AGAP2: variants seen among roughly 807,000 people sequenced by gnomAD.
AGAP2 encodes the protein ArfGAP with GTPase domain, ankyrin repeat and PH domain 2.
AGAP2 carries 32 observed loss-of-function variants against 110.9 expected under a neutral mutation model. That is an observed-to-expected ratio of 0.29 (90% confidence interval 0.22 to 0.39). AGAP2 has a LOEUF of 0.39. Among genes scored for constraint, AGAP2 ranks in the 10% least tolerant of loss-of-function variants. The pLI is 1.00. For synonymous variants in AGAP2, 702 were observed against 713.0 expected, an observed-to-expected ratio of 0.98 and a Z score of 0.25; for missense variants, 1,285 against 1,638.5, an observed-to-expected ratio of 0.78 and a Z score of 3.72.
intron 3 of AGAP2, 56 bp from the exon 4 acceptor site, chr12:57,734,460 C>G (rs1954942944): frequency 6.3e-7 from 1 of 1,596,648 alleles, no homozygotes; most frequent in Admixed American, 1.7e-5. Context: ...CACCAAACCT[C>G]CCCATGCTCC....
In AGAP2 at chr12:57,737,992, G is replaced by A; in HGVS notation, c.255C>T (p.Thr85=). 1.4e-6 allele frequency: 2 copies of A among 1,457,350 alleles called. No individual in the cohort carries two copies. Among genetic ancestry groups the A allele is most frequent in the East Asian group, 2.8e-5 (1 of 35,670 alleles). The allele number at this position is 1,457,350 out of a possible 1,614,324, so 90.3% of individuals were successfully genotyped here. The change falls in exon 1 of 19, where the codon ACC becomes ACT. Residue 85 remains threonine, a synonymous_variant. Coordinates refer to ENST00000547588, the MANE Select transcript of AGAP2 (RefSeq NM_001122772.3). The surrounding 1 kb of genome is among the most constrained non-coding windows in gnomAD (Gnocchi z 5.9). ...ALWISTSSAG[T]GGAEPPALSP... The stretch of plus-strand genomic sequence containing the variant: ...ACAGGGCTGGGGGCTCCGCGCCCCC[G>A]GTGCCCGCGCTGCTCGTGCTGATCC...
chr12:57,732,219 C>G (rs527299009), intron 7 of AGAP2, among the ~76,000 whole-genome samples, 184 bp downstream of exon 7: 4 of 152,302 alleles, frequency 2.6e-5, no homozygotes, highest in African/African-American at 9.6e-5. Context: ...CTTAAGGACA[C>G]TGCAAATGAT....
chr12:57,731,503 A>T, intron 9 of AGAP2, 33 bp from the exon 10 acceptor site: 1 of 1,613,964 alleles, frequency 6.2e-7, no homozygotes, highest in Non-Finnish European at 8.5e-7. Flanking sequence ...TGTGGGAAAA[A>T]AGCCAACTAA....
At position 57,731,976 on chromosome 12, in the gene AGAP2, A is replaced by G. The variant is rs1414184685; in HGVS notation, c.1795-9T>C. On this transcript the variant is annotated splice_polypyrimidine_tract_variant and intron_variant, in intron 7 of 18. Coordinates refer to ENST00000547588, the MANE Select transcript of AGAP2 (RefSeq NM_001122772.3). ...TGGCCCCCGTTACTAGCCTGGGCAC[A>G]TATGGAAGAGTCAGCAGAGCTGAGA... The G allele has an allele frequency of 6.2e-7, 1 of 1,613,130 alleles. No homozygotes were observed. The highest frequency in any genetic ancestry group is 8.5e-7 in the Non-Finnish European group (1 of 1,179,802).
chr12:57,734,130 T>C lies in AGAP2; in HGVS notation c.1445A>G (p.Glu482Gly). Residue 482 changes from glutamate to glycine, a missense_variant, in exon 5 of 19, where the codon GAG (glutamate) becomes GGG (glycine). Glu to Gly is a moderately conservative substitution (Grantham distance 98). This residue lies in a region of AGAP2 where 844 missense variants were observed against 941.2 expected (regional missense o/e 0.90). Coordinates refer to ENST00000547588, the MANE Select transcript of AGAP2 (RefSeq NM_001122772.3). The stretch of plus-strand genomic sequence containing the variant: ...CACAGCCTGGAAACTGTTCTCATCC[T>C]CCAGGCTGAAGACGAAGATCACAGC... ...ADAVIFVFSL[E>G]DENSFQAVSR... 5.6e-6 allele frequency: 9 copies of C among 1,613,306 alleles called. No individual in the cohort carries two copies. Among genetic ancestry groups the C allele is most frequent in the Non-Finnish European group, 7.6e-6 (9 of 1,179,548 alleles).
Position 57,737,990 on chromosome 12 carries a change from C to T in AGAP2, c.257G>A (p.Gly86Glu). 2 of 1,456,364 alleles carry T rather than the reference C, an allele frequency of 1.4e-6. No homozygotes were observed. Among genetic ancestry groups the T allele is most frequent in the Non-Finnish European group, 1.8e-6 (2 of 1,110,878 alleles). 90.2% of individuals were successfully genotyped at this position (1,456,364 alleles called of 1,614,324 possible). Reference protein sequence around the residue: ...LWISTSSAGTGGAEPPALSPA... With the variant: ...LWISTSSAGTEGAEPPALSPA... ...GGACAGGGCTGGGGGCTCCGCGCCC[C>T]CGGTGCCCGCGCTGCTCGTGCTGAT... The change falls in exon 1 of 19, where the codon GGG becomes GAG. Residue 86 changes from glycine to glutamate, a missense_variant. Gly to Glu is a moderately conservative substitution (Grantham distance 98). This residue lies in a region of AGAP2 where 844 missense variants were observed against 941.2 expected (regional missense o/e 0.90). Transcript: ENST00000547588. The surrounding 1 kb of genome is among the most constrained non-coding windows in gnomAD (Gnocchi z 5.9).
At chr12:57,731,687 C>T (rs1424448052) in intron 8 of AGAP2, 45 bp from the exon 9 acceptor site, 13 of 1,611,956 alleles carry the variant, frequency 8.1e-6, no homozygotes, top group Non-Finnish European at 8.5e-6. Context: ...TAGAGGGATA[C>T]ACTGATGTGA....
Position 57,731,645 on chromosome 12 carries a change from G to A in AGAP2, c.1954-3C>T. On this transcript the variant is annotated splice_region_variant and splice_polypyrimidine_tract_variant and intron_variant, in intron 8 of 18. Transcript: ENST00000547588. The stretch of plus-strand genomic sequence containing the variant: ...TCGGAGTCACTACCCCGACGATTCT[G>A]GAATGGTTATTGGAATCAGTTTGAG... 2 of 1,614,096 alleles carry A rather than the reference G, an allele frequency of 1.2e-6. No homozygotes were observed. Among genetic ancestry groups the A allele is most frequent in the Admixed American group, 1.7e-5 (1 of 60,020 alleles).
In AGAP2 at chr12:57,729,140, T is replaced by C. The variant is rs370976207; in HGVS notation, c.2557+499A>G. 6.7e-5 allele frequency among the ~76,000 whole-genome samples: 9 copies of C among 134,240 alleles called. No individual in the cohort carries two copies. The East Asian group carries it at 1.1e-3, about 16-fold the overall frequency. The allele number at this position is 134,240 out of a possible 152,430, so 88.1% of individuals were successfully genotyped here. On this transcript the variant is annotated intron_variant, in intron 13 of 18. Transcript: ENST00000547588. Reference sequence around the variant, plus strand: ...GCAGTGAGCCGAGATCGCACCACTGTACTCCAGCCTGGGTGACAGAGTGAG... The same window carrying C: ...GCAGTGAGCCGAGATCGCACCACTGCACTCCAGCCTGGGTGACAGAGTGAG...
At chr12:57,735,462 C>G in intron 1 of AGAP2, 35 bp from the exon 2 acceptor site, 1 of 1,605,168 alleles carries the variant, frequency 6.2e-7, no homozygotes, top group Non-Finnish European at 8.5e-7. Flanking sequence ...AGGGGAGGCT[C>G]CTGGCTCAGA....
upstream of AGAP2, chr12:57,741,927 A>G (rs763279649): frequency 3.1e-5 from 50 of 1,613,846 alleles, 1 homozygote; most frequent in East Asian, 2.5e-4. Flanking sequence ...ATGCTGTCCA[A>G]TGAGGCCTGG....
In AGAP2 at chr12:57,730,829, A is replaced by G; in HGVS notation, c.2270T>C (p.Val757Ala). ...CATCTGGACAGTGCTCATGTCCTTG[A>G]CGAGCCCGTTAATGCTGGCTGAGGG... is the stretch of plus-strand genomic sequence containing the variant. ...FGPSASINGL[V>A]KDMSTVQMGE... Residue 757 changes from valine (V) to alanine (A), a missense_variant, in exon 11 of 19, where the codon GTC becomes GCC. Physicochemically the swap from Val to Ala is moderately conservative, Grantham distance 64. Coordinates refer to ENST00000547588, the MANE Select transcript of AGAP2 (RefSeq NM_001122772.3). 6.2e-7 allele frequency: 1 copy of G among 1,614,036 alleles called. No homozygotes were observed. Among genetic ancestry groups the G allele is most frequent in the East Asian group, 2.2e-5 (1 of 44,882 alleles).
chr12:57,732,007 C>T (rs1954896408), intron 7 of AGAP2, 40 bp from the exon 8 acceptor site: 3 of 1,603,492 alleles, frequency 1.9e-6, no homozygotes, highest in Non-Finnish European at 2.6e-6. Context: ...TGAGATGCCC[C>T]CTACTCCACC....
rs1201412891 is a variant in AGAP2, at chr12:57,727,685, G to A, written c.2853C>T (p.Ala951=). 5.6e-6 allele frequency: 9 copies of A among 1,606,162 alleles called. No individual in the cohort carries two copies. The highest frequency in any genetic ancestry group is 7.6e-6 in the Non-Finnish European group (9 of 1,176,622). Residue 951 remains alanine (A), a synonymous_variant, in exon 16 of 19, where the codon GCC becomes GCT. Transcript: ENST00000547588. ...KGNSICVDCG[A]PNPTWASLNL... ...CCGCTGCCTCCTGGCACTCACTGGG[G>A]GCCCCGCAGTCCACGCAGATTGAAT...
In AGAP2 at chr12:57,729,820, T is replaced by C. The variant is rs1307930927; in HGVS notation, c.2429-53A>G. ...GTAGCCCCCTCCACAGATTTCCTGA[T>C]TTCTTGATAGCCTGTCTCATTCCCT... On this transcript the variant is annotated intron_variant, in intron 12 of 18. Transcript: ENST00000547588. 3.2e-6 allele frequency: 5 copies of C among 1,552,418 alleles called. No individual in the cohort carries two copies. In the Admixed American group the frequency reaches 6.1e-5, roughly 19 times the overall value.
chr12:57,724,721 C>T (rs921729023), downstream of AGAP2: 1 of 152,310 alleles, frequency 6.6e-6, no homozygotes, highest in Non-Finnish European at 1.5e-5. Context: ...TCGGGGCAGC[C>T]CTCCTCAGAG....
chr12:57,733,781 G>A (rs775762669), intron 5 of AGAP2, among the ~76,000 whole-genome samples: 1 of 152,160 alleles, frequency 6.6e-6, no homozygotes, highest in South Asian at 2.1e-4. Flanking sequence ...TTCAGGAGAG[G>A]CAAGGAGATG....
rs1954999957 is a variant in AGAP2 at position 57,737,222 on chromosome 12, C to A, written c.1025G>T (p.Arg342Leu). Residue 342 changes from arginine (R) to leucine (L), a missense_variant, in exon 1 of 19, where the codon CGC becomes CTC. Transcript: ENST00000547588. This position sits in a 1 kb window ranked among gnomAD's most constrained non-coding sequence, Gnocchi z 5.9. ...REGGRASTRD[R>L]KMLKFISGIF... Reference sequence around the variant, plus strand: ...GCCGCTGATAAACTTGAGCATCTTGCGGTCACGAGTGGATGCTCGGCCCCC... The same window carrying A: ...GCCGCTGATAAACTTGAGCATCTTGAGGTCACGAGTGGATGCTCGGCCCCC... The A allele has an allele frequency of 6.2e-7, 1 of 1,609,090 alleles. No individual in the cohort carries two copies. Among genetic ancestry groups the A allele is most frequent in the Admixed American group, 1.7e-5 (1 of 59,094 alleles).
At chr12:57,735,477 C>T in intron 1 of AGAP2, 50 bp from the exon 2 acceptor site, 1 of 1,553,878 alleles carries the variant, frequency 6.4e-7, no homozygotes, top group Non-Finnish European at 8.8e-7. Context: ...CTCAGAAGGA[C>T]CCCCAACACT....
Sources: allele counts gnomAD v4.1 joint callset (sites outside exome capture counted in the v4.1 genomes callset), GRCh38; gene constraint gnomAD v4.1.1; regional missense constraint gnomAD v4.1.1; non-coding constraint Gnocchi (gnomAD v3.1); transcripts MANE v1.5; gene names NCBI Gene and HGNC (gene_info 2026-07-23, HGNC 2026-07-21).